The following LRRK1 variants were observed in gnomAD, a reference collection of about 807,000 sequenced individuals.
LRRK1 encodes leucine-rich repeat serine/threonine-protein kinase 1.
A neutral mutation model predicts 209.1 loss-of-function variants in LRRK1; 113 were observed. The ratio of observed to expected loss-of-function variants is 0.54; its 90% CI spans 0.46 to 0.63. LRRK1 has a LOEUF of 0.63. Among genes scored for constraint, LRRK1 ranks in the 30% least tolerant of loss-of-function variants. LRRK1 has a pLI of 0.00. For missense variants in LRRK1, 2,284 were observed against 2,632.2 expected (o/e 0.87, Z 2.89); for synonymous variants, 1,144 against 1,099.7 (o/e 1.04, Z -0.80).
In LRRK1 at chr15:101,072,128, A is replaced by G. The variant is rs2036831116; in HGVS notation, c.*3280A>G. Reference sequence around the variant, plus strand: ...ACTCACTTTGCTGAATGGAGGGTGGATTAACGAGGGGGTAGTTGGAGGCTA... The same window carrying G: ...ACTCACTTTGCTGAATGGAGGGTGGGTTAACGAGGGGGTAGTTGGAGGCTA... On this transcript the variant is annotated 3_prime_UTR_variant, in exon 34 of 34. Coordinates refer to ENST00000388948, the MANE Select transcript of LRRK1 (RefSeq NM_024652.6). The G allele has an allele frequency of 6.6e-6, 1 of 152,202 alleles. No homozygotes were observed. The highest frequency in any genetic ancestry group is 2.1e-4 in the South Asian group (1 of 4,832). The allele number at this position is 152,202 out of a possible 1,614,324, so 9.4% of individuals were successfully genotyped here. A position where few individuals can be genotyped will look rare whatever the true frequency, so the allele number is the denominator to read the frequency against.
rs1000571402 is a variant in LRRK1 at position 101,075,634 on chromosome 15, C to T, written c.*6786C>T. 32 of 150,212 alleles carry T rather than the reference C, an allele frequency of 2.1e-4. 1 individual carries two copies. The highest frequency in any genetic ancestry group is 5.5e-4 in the African/African-American group (22 of 39,700). The allele number at this position is 150,212 out of a possible 1,614,324, so 9.3% of individuals were successfully genotyped here. On this transcript the variant is annotated 3_prime_UTR_variant, in exon 34 of 34. Coordinates refer to ENST00000388948, the MANE Select transcript of LRRK1 (RefSeq NM_024652.6). ...AACTCTCCTTACAATTCCCCCATTT[C>T]ACTTGTCCTAAAACCAGACAAGCCT...
At chr15:100,985,566 T>C (rs1310727922) in intron 4 of LRRK1, among the ~76,000 whole-genome samples, 3 of 152,160 alleles carry the variant, frequency 2.0e-5, no homozygotes, top group Admixed American at 2.0e-4. Flanking sequence ...GGGTAGGGTC[T>C]CCGAAGGGAG....
Position 101,072,202 on chromosome 15 carries a change from TA to T in LRRK1, c.*3355del. ...TATCTACCAAAATTTCAAATGCACATACCCTCTGACCCAGCAGTTCCACTTA... is the reference window on the plus strand; with the variant it reads ...TATCTACCAAAATTTCAAATGCACATCCCTCTGACCCAGCAGTTCCACTTA... On this transcript the variant is annotated 3_prime_UTR_variant, in exon 34 of 34. Transcript: ENST00000388948. 6.6e-6 allele frequency: 1 copy of T among 152,244 alleles called. No individual in the cohort carries two copies. The highest frequency in any genetic ancestry group is 1.5e-5 in the Non-Finnish European group (1 of 68,032). 9.4% of individuals were successfully genotyped at this position (152,244 alleles called of 1,614,324 possible). A position where few individuals can be genotyped will look rare whatever the true frequency, so the allele number is the denominator to read the frequency against.
chr15:100,988,865 C>A, intron 5 of LRRK1, 52 bp downstream of exon 5: 1 of 1,434,722 alleles, frequency 7.0e-7, no homozygotes, highest in Non-Finnish European at 9.5e-7. Context: ...ACCATCTCAG[C>A]CTCCAGATGT....
intron 3 of LRRK1, among the ~76,000 whole-genome samples, chr15:100,981,212 G>A (rs947047010): frequency 1.3e-5 from 2 of 152,182 alleles, no homozygotes; most frequent in African/African-American, 4.8e-5. Flanking sequence ...GGTCCCTCTT[G>A]GCCTTGGGCT....
intron 20 of LRRK1, among the ~76,000 whole-genome samples, chr15:101,035,637 A>G (rs2034466823): frequency 6.6e-6 from 1 of 152,090 alleles, no homozygotes; most frequent in East Asian, 1.9e-4. Context: ...AGAATTTAAT[A>G]CACTTACATT....
In LRRK1 at chr15:100,986,486, A is replaced by AG. The variant is rs557857087; in HGVS notation, c.434-2147dup. 1.7e-3 allele frequency among the ~76,000 whole-genome samples: 262 copies of AG among 152,362 alleles called. 1 individual carries two copies. Among genetic ancestry groups the AG allele is most frequent in the Middle Eastern group, 0.014 (4 of 294 alleles). ...TTTACTAACTGTGGGACCTTCAAGAAGTTTCCCTGCCAGGTGTGTCCCACA... is the reference window on the plus strand; with the variant it reads ...TTTACTAACTGTGGGACCTTCAAGAAGGTTTCCCTGCCAGGTGTGTCCCACA... On this transcript the variant is annotated intron_variant, in intron 4 of 33. Transcript: ENST00000388948.
chr15:100,971,790 C>G (rs943836624), intron 2 of LRRK1, among the ~76,000 whole-genome samples: 11 of 152,224 alleles, frequency 7.2e-5, no homozygotes, highest in Non-Finnish European at 1.6e-4. Flanking sequence ...CGACACTCAC[C>G]CTTCTCAGTC....
chr15:100,989,319 G>A lies in LRRK1; in HGVS notation c.683G>A (p.Ser228Asn), dbSNP rs766808583. The A allele has an allele frequency of 2.5e-6, 4 of 1,613,736 alleles. No homozygotes were observed. In the South Asian group the frequency reaches 4.4e-5, roughly 18 times the overall value. ...TTCTGTTCCTACATCTTGCTGGATA[G>A]TCCTGACCCCAGCAAACATCTGCTG... ...AYFCSYILLD[S>N]PDPSKHLLRK... The change falls in exon 6 of 34, where the codon AGT becomes AAT. Residue 228 changes from serine (S) to asparagine (N), a missense_variant. This residue lies in a region of LRRK1 where 134 missense variants were observed against 191.7 expected (regional missense o/e 0.70). Transcript: ENST00000388948.
At chr15:100,926,611 A>C (rs750281772) in intron 2 of LRRK1, among the ~76,000 whole-genome samples, 5 of 144,864 alleles carry the variant, frequency 3.5e-5, no homozygotes, top group African/African-American at 7.7e-5. Context: ...GGGGGCGGGG[A>C]GTGAACAAGC....
In LRRK1 at chr15:101,075,184, C is replaced by T. The variant is rs369908654; in HGVS notation, c.*6336C>T. 4.7e-5 allele frequency: 2 copies of T among 42,984 alleles called. 1 individual carries two copies. Among genetic ancestry groups the T allele is most frequent in the East Asian group, 1.0e-3 (2 of 2,004 alleles). The allele number at this position is 42,984 out of a possible 1,614,324, so 2.7% of individuals were successfully genotyped here. A position where few individuals can be genotyped will look rare whatever the true frequency, so the allele number is the denominator to read the frequency against. Reference sequence around the variant, plus strand: ...TTCCCTTACCTCCATAACTGTTGTGCGTATTGACAGCCAGGCTTCTAAACC... The same window carrying T: ...TTCCCTTACCTCCATAACTGTTGTGTGTATTGACAGCCAGGCTTCTAAACC... On this transcript the variant is annotated 3_prime_UTR_variant, in exon 34 of 34. Coordinates refer to ENST00000388948, the MANE Select transcript of LRRK1 (RefSeq NM_024652.6).
chr15:101,014,580 G>C, intron 11 of LRRK1, 152 bp downstream of exon 11: 2 of 653,006 alleles, frequency 3.1e-6, no homozygotes, highest in South Asian at 1.8e-5. Context: ...CACAGCCCTG[G>C]GGGCTGAAGT....
At chr15:100,970,451 G>A (rs943514237) in intron 2 of LRRK1, among the ~76,000 whole-genome samples, 1 of 152,204 alleles carries the variant, frequency 6.6e-6, no homozygotes, top group Non-Finnish European at 1.5e-5. Context: ...TCAATTGAAT[G>A]TACAAGCACA....
At position 101,068,661 on chromosome 15, in the gene LRRK1, C is replaced by A; in HGVS notation, c.5871-10C>A. 1 of 1,568,104 alleles carries A rather than the reference C, an allele frequency of 6.4e-7. No homozygotes were observed. The stretch of plus-strand genomic sequence containing the variant: ...CCTGTGAGTTTCCTCAGACCCCCTT[C>A]TCTCTGCAGGGTGCTGGTGGATGCT... On this transcript the variant is annotated splice_polypyrimidine_tract_variant and intron_variant, in intron 33 of 33. Coordinates refer to ENST00000388948, the MANE Select transcript of LRRK1 (RefSeq NM_024652.6).
At position 101,025,085 on chromosome 15, in the gene LRRK1, C is replaced by T. The variant is rs908557137; in HGVS notation, c.2232+118C>T. On this transcript the variant is annotated intron_variant, in intron 16 of 33. Transcript: ENST00000388948. ...AAGGGGGTTATGTTGCCACAGAGGGCCCCAGAACCGTGGTCCTGCTTGCTT... is the reference window on the plus strand; with the variant it reads ...AAGGGGGTTATGTTGCCACAGAGGGTCCCAGAACCGTGGTCCTGCTTGCTT... The T allele has an allele frequency of 6.0e-6, 6 of 1,006,846 alleles. No individual in the cohort carries two copies. In the African/African-American group the frequency reaches 6.4e-5, roughly 11 times the overall value. 62.4% of individuals were successfully genotyped at this position (1,006,846 alleles called of 1,614,324 possible). A position where few individuals can be genotyped will look rare whatever the true frequency, so the allele number is the denominator to read the frequency against.
chr15:100,980,174 A>G (rs915737306), intron 3 of LRRK1, among the ~76,000 whole-genome samples: 2 of 152,224 alleles, frequency 1.3e-5, no homozygotes, highest in South Asian at 4.1e-4. Flanking sequence ...GGATACAACC[A>G]AAGACTCTCA....
At chr15:101,012,261 A>T in intron 10 of LRRK1, 116 bp downstream of exon 10, 2 of 1,008,936 alleles carry the variant, frequency 2.0e-6, no homozygotes. Context: ...AGGGGAAAAG[A>T]TGAAGAAAAA....
intron 10 of LRRK1, among the ~76,000 whole-genome samples, chr15:101,012,369 G>A (rs1176601885): frequency 6.6e-6 from 1 of 152,212 alleles, no homozygotes; most frequent in Non-Finnish European, 1.5e-5. Flanking sequence ...GTTATGGTTC[G>A]TATCCCTCGG....
At position 101,053,069 on chromosome 15, in the gene LRRK1, C is replaced by G; in HGVS notation, c.3837C>G (p.Asn1279Lys). 1 of 1,610,174 alleles carries G rather than the reference C, an allele frequency of 6.2e-7. No homozygotes were observed. Among genetic ancestry groups the G allele is most frequent in the Non-Finnish European group, 8.5e-7 (1 of 1,177,402 alleles). ...VKRFHIKKFK[N>K]FANVPADTML... ...GCTTCCACATCAAAAAATTCAAGAACTTTGCTAACGTACCGGCAGGTAAGC... is the reference window on the plus strand; with the variant it reads ...GCTTCCACATCAAAAAATTCAAGAAGTTTGCTAACGTACCGGCAGGTAAGC... Residue 1279 changes from asparagine (N) to lysine (K), a missense_variant, in exon 25 of 34, where the codon AAC (asparagine) becomes AAG (lysine). By Grantham distance (94) the Asn-to-Lys change is moderately conservative (BLOSUM62 0). This residue lies in a region of LRRK1 where 780 missense variants were observed against 985.2 expected (regional missense o/e 0.79). Coordinates refer to ENST00000388948, the MANE Select transcript of LRRK1 (RefSeq NM_024652.6).
Sources: allele counts gnomAD v4.1 joint callset (sites outside exome capture counted in the v4.1 genomes callset), GRCh38; gene constraint gnomAD v4.1.1; regional missense constraint gnomAD v4.1.1; transcripts MANE v1.5; gene names NCBI Gene and HGNC (gene_info 2026-07-23, HGNC 2026-07-21).